The following PHKA2 variants were observed in gnomAD, a reference collection of about 807,000 sequenced individuals.
PHKA2 encodes phosphorylase b kinase regulatory subunit alpha, liver isoform.
In PHKA2, 31 loss-of-function variants were observed where a neutral mutation model predicts 102.0. The observed-to-expected ratio is 0.30, with a 90% confidence interval of 0.23 to 0.41. The LOEUF is 0.41. Ranked by LOEUF, PHKA2 falls within the 10% of genes least tolerant of loss-of-function variation. The probability of loss-of-function intolerance (pLI) is 1.00; values close to 1 mark genes in which losing one functional copy is unlikely to be tolerated. For synonymous variants in PHKA2, 455 were observed against 416.2 expected (o/e 1.09, Z -1.13); for missense variants, 858 against 1,023.1 (o/e 0.84, Z 2.20).
chrX:18,959,331 A>T (rs908370298), intron 1 of PHKA2, among the ~76,000 whole-genome samples: 10 of 112,258 alleles, frequency 8.9e-5, no homozygotes, highest in African/African-American at 3.2e-4. Flanking sequence ...TTTCATTAGC[A>T]TTATTTCTTC....
chrX:18,945,688 C>A, intron 5 of PHKA2, among the ~76,000 whole-genome samples: 1 of 111,720 alleles, frequency 9.0e-6, no homozygotes, highest in East Asian at 2.8e-4. Context: ...GAACACTGAA[C>A]CTACGTGGTA....
intron 13 of PHKA2, among the ~76,000 whole-genome samples, chrX:18,927,247 C>T (rs991473611): frequency 9.8e-5 from 11 of 112,064 alleles, no homozygotes; most frequent in African/African-American, 3.2e-4. Flanking sequence ...CTCCAGCAGG[C>T]GGGGAGCTGA....
intron 1 of PHKA2, among the ~76,000 whole-genome samples, chrX:18,975,818 T>C (rs1337902197): frequency 9.0e-6 from 1 of 110,920 alleles, no homozygotes; most frequent in Non-Finnish European, 1.9e-5. Flanking sequence ...TGGTCATTCA[T>C]TCTGCTTTGC....
chrX:18,901,169 ACT>A (rs772604738), intron 27 of PHKA2, among the ~76,000 whole-genome samples: 2 of 109,385 alleles, frequency 1.8e-5, no homozygotes, highest in Non-Finnish European at 3.8e-5. Context: ...TTTTTGCATG[ACT>A]CTACTTTTTC....
intron 18 of PHKA2, among the ~76,000 whole-genome samples, chrX:18,919,126 A>G (rs1418306362): frequency 8.9e-6 from 1 of 111,954 alleles, no homozygotes; most frequent in African/African-American, 3.3e-5. Context: ...TCCTCCCAAG[A>G]TGAACTGAAT....
At position 18,894,215 on chromosome X, in the gene PHKA2, A is replaced by G. The variant is rs2047487653; in HGVS notation, c.3526T>C (p.Leu1176=). Residue 1176 remains leucine, a synonymous_variant, in exon 32 of 33, where the codon TTG becomes CTG. Transcript: ENST00000379942. ...CCTGGCACCCCCACCTGGTCCTGCA[A>G]GAACAGCTGACTGGCCATCTGCACG... is the stretch of plus-strand genomic sequence containing the variant. ...QIVQMASQLF[L]QDQVSIGAMD... 3.3e-6 allele frequency: 4 copies of G among 1,211,178 alleles called. No homozygotes were observed. The highest frequency in any genetic ancestry group is 4.5e-6 in the Non-Finnish European group (4 of 894,843).
At chrX:18,942,391 G>A (rs1397603012) in intron 7 of PHKA2, among the ~76,000 whole-genome samples, 2 of 111,802 alleles carry the variant, frequency 1.8e-5, no homozygotes, top group Non-Finnish European at 3.8e-5. Flanking sequence ...TAAGCTCATT[G>A]AATCTTTCAT....
rs187926304 is a variant in PHKA2, at chrX:18,922,430, C to T, written c.1793+1626G>A. On this transcript the variant is annotated intron_variant, in intron 17 of 32. Transcript: ENST00000379942. ...TATACAGCAAAACACTGGGGACAGT[C>T]TCGCGAGAAAGGCCAGGAGAAGCTT... Among the ~76,000 whole-genome samples, 84 of 111,176 alleles carry T rather than the reference C, an allele frequency of 7.6e-4. 1 individual carries two copies. The highest frequency in any genetic ancestry group is 4.7e-3 in the Middle Eastern group (1 of 212).
chrX:18,970,720 T>C (rs1361620293), intron 1 of PHKA2, among the ~76,000 whole-genome samples: 1 of 112,057 alleles, frequency 8.9e-6, no homozygotes, highest in Admixed American at 9.5e-5. Flanking sequence ...CCATCTCAAA[T>C]TGCTTTCCAA....
intron 1 of PHKA2, among the ~76,000 whole-genome samples, chrX:18,980,736 C>G (rs2049159901): frequency 8.9e-6 from 1 of 111,826 alleles, no homozygotes. Context: ...GAGCGCCGGT[C>G]TCCTGGGCCC....
chrX:18,897,527 T>G, intron 29 of PHKA2, 194 bp from the exon 30 acceptor site: 1 of 445,848 alleles, frequency 2.2e-6, no homozygotes, highest in South Asian at 3.3e-5. Context: ...GGTTGATCAC[T>G]TCATTCCATG....
At position 18,951,201 on chromosome X, in the gene PHKA2, G is replaced by A. The variant is rs1179436485; in HGVS notation, c.357C>T (p.Ala119=). 2 of 1,211,457 alleles carry A rather than the reference G, an allele frequency of 1.7e-6. No homozygotes were observed. The highest frequency in any genetic ancestry group is 2.2e-6 in the Non-Finnish European group (2 of 894,999). The change falls in exon 4 of 33, where the codon GCC becomes GCT. Residue 119 remains alanine, a synonymous_variant. Transcript: ENST00000379942. ...KDSLHAKYNT[A]TCGTVVGDDQ... ...CGTCGCCCACCACCGTGCCACAGGT[G>A]GCGGTGTTGTACTTGGCGTGCAGGC...
At chrX:18,909,128 T>C in intron 20 of PHKA2, among the ~76,000 whole-genome samples, 194 bp from the exon 21 acceptor site, 1 of 112,669 alleles carries the variant, frequency 8.9e-6, no homozygotes, top group East Asian at 2.8e-4. Context: ...GGTCAACATT[T>C]GCAAGAGACT....
At chrX:18,971,613 T>C (rs2049020574) in intron 1 of PHKA2, among the ~76,000 whole-genome samples, 2 of 112,523 alleles carry the variant, frequency 1.8e-5, no homozygotes, top group Admixed American at 9.4e-5. Flanking sequence ...TCAACTAAGA[T>C]GGAAACCTGA....
At chrX:18,893,751 T>C (rs2047475176) in intron 32 of PHKA2, 96 bp from the exon 33 acceptor site, 3 of 825,935 alleles carry the variant, frequency 3.6e-6, no homozygotes, top group Non-Finnish European at 5.4e-6. Context: ...TGGGCAGGGG[T>C]GAGGGTTGCT....
At position 18,946,328 on chromosome X, in the gene PHKA2, C is replaced by G. The variant is rs73443469; in HGVS notation, c.538-1170G>C. On this transcript the variant is annotated intron_variant, in intron 5 of 32. Transcript: ENST00000379942. ...GAGCCTGGGCTTCTTCCCTTGAGCA[C>G]TCTTCTCATCTGCGCCTTCCTGCAG... Among the ~76,000 whole-genome samples, 255 of 111,516 alleles carry G rather than the reference C, an allele frequency of 2.3e-3. 1 individual carries two copies. Among genetic ancestry groups the G allele is most frequent in the African/African-American group, 7.5e-3 (229 of 30,677 alleles).
At chrX:18,944,234 T>C (rs991657042) in intron 6 of PHKA2, among the ~76,000 whole-genome samples, 3 of 112,040 alleles carry the variant, frequency 2.7e-5, no homozygotes, top group Non-Finnish European at 5.6e-5. Flanking sequence ...TAAAAATGAA[T>C]TAACAAGTTC....
intron 1 of PHKA2, among the ~76,000 whole-genome samples, chrX:18,980,814 G>A (rs773169606): frequency 8.9e-6 from 1 of 111,812 alleles, no homozygotes; most frequent in African/African-American, 3.3e-5. Context: ...CCCACTCGAC[G>A]AGAAATACCC....
At chrX:18,968,349 T>A (rs1434565463) in intron 1 of PHKA2, among the ~76,000 whole-genome samples, 1 of 112,984 alleles carries the variant, frequency 8.9e-6, no homozygotes, top group Non-Finnish European at 1.9e-5. Context: ...TTCTCATATA[T>A]GCTTCTGTAT....
Sources: allele counts gnomAD v4.1 joint callset (sites outside exome capture counted in the v4.1 genomes callset), GRCh38; gene constraint gnomAD v4.1.1; transcripts MANE v1.5; gene names NCBI Gene and HGNC (gene_info 2026-07-23, HGNC 2026-07-21).